Variants in PHF11 observed in about 807,000 individuals in gnomAD.
PHF11 encodes the protein BRCA1 C-terminus-associated protein.
PHF11 carries 38 observed loss-of-function variants against 40.5 expected under a neutral mutation model. The observed-to-expected ratio is 0.94, with a 90% CI of 0.72 to 1.23. The LOEUF (loss-of-function observed/expected upper bound fraction) is 1.23, where lower values mean the gene tolerates loss of function less well. PHF11 is among the 50% of genes most tolerant of loss of function. PHF11 has a pLI of 0.00. For missense variants in PHF11, 369 were observed against 392.4 expected, an observed-to-expected ratio of 0.94 and a Z score of 0.50; for synonymous variants, 127 against 138.2, an observed-to-expected ratio of 0.92 and a Z score of 0.57.
At chr13:49,520,818 A>T (rs1281318041) in intron 4 of PHF11, 76 bp from the exon 5 acceptor site, 2 of 1,062,524 alleles carry the variant, frequency 1.9e-6, no homozygotes, top group Non-Finnish European at 1.3e-6. Context: ...GTACGTTTTT[A>T]ATCACAAAAA....
rs181568652 is a variant in PHF11, at chr13:49,510,690, C to T, written c.217-2369C>T. Among the ~76,000 whole-genome samples, 74 of 152,128 alleles carry T rather than the reference C, an allele frequency of 4.9e-4. No homozygotes were observed. The Middle Eastern group carries it at 0.034, about 70-fold the overall frequency. Reference sequence around the variant, plus strand: ...CCCACTATGTTGCTCAGGCTCATCTCGAACTCCTGGCCTCAAGTGATTCTC... The same window carrying T: ...CCCACTATGTTGCTCAGGCTCATCTTGAACTCCTGGCCTCAAGTGATTCTC... On this transcript the variant is annotated intron_variant, in intron 2 of 9. Coordinates refer to ENST00000378319, the MANE Select transcript of PHF11 (RefSeq NM_001040443.3).
At position 49,496,035 on chromosome 13, in the gene PHF11, G is replaced by T; in HGVS notation, c.34G>T (p.Val12Leu). 4 of 1,476,050 alleles carry T rather than the reference G, an allele frequency of 2.7e-6. No individual in the cohort carries two copies. Among genetic ancestry groups the T allele is most frequent in the South Asian group, 2.5e-5 (2 of 78,470 alleles). The allele number at this position is 1,476,050 out of a possible 1,614,324, so 91.4% of individuals were successfully genotyped here. A position where few individuals can be genotyped will look rare whatever the true frequency, so the allele number is the denominator to read the frequency against. The change falls in exon 1 of 10, where the codon GTG becomes TTG. Residue 12 changes from valine to leucine, a missense_variant. Physicochemically the swap from Val to Leu is conservative, Grantham distance 32 (BLOSUM62 1). Coordinates refer to ENST00000378319, the MANE Select transcript of PHF11 (RefSeq NM_001040443.3). ...GGCGTCGCCGCCCCGGCCCGAGAGG[G>T]TGCTCGGCGCCAGCAGCCCGGAGGC... is the stretch of plus-strand genomic sequence containing the variant. ...AQASPPRPER[V>L]LGASSPEARP... is the part of the protein sequence containing the mutation.
chr13:49,511,352 G>A (rs995777259), intron 2 of PHF11, among the ~76,000 whole-genome samples: 1 of 145,216 alleles, frequency 6.9e-6, no homozygotes, highest in Non-Finnish European at 1.5e-5. Flanking sequence ...TTGAGACGGA[G>A]TTTCGCTTTT....
rs10627347 is a variant in PHF11, at chr13:49,511,327, C to CTTTT, written c.217-1719_217-1716dup. ...TCATAATTTCAAAATTGTTCAATGG[C>CTTTT]TTTTTTTTTTTTTTTTGAGACGGAG... On this transcript the variant is annotated intron_variant, in intron 2 of 9. Transcript: ENST00000378319. 2.4e-3 allele frequency among the ~76,000 whole-genome samples: 306 copies of CTTTT among 125,838 alleles called. 2 individuals are homozygous for CTTTT. The highest frequency in any genetic ancestry group is 4.2e-3 in the Middle Eastern group (1 of 238). 82.6% of individuals were successfully genotyped at this position (125,838 alleles called of 152,430 possible). A position where few individuals can be genotyped will look rare whatever the true frequency, so the allele number is the denominator to read the frequency against.
Position 49,496,070 on chromosome 13 carries a change from G to A in PHF11, c.69G>A (p.Ala23=). ...CCAGCAGCCCGGAGGCCCGGCCCGC[G>A]CAGGAGGCGCTCCTCCTTCCCACCG... The part of the protein sequence containing the change: ...LGASSPEARP[A]QEALLLPTGV... Residue 23 remains alanine, a synonymous_variant, in exon 1 of 10, where the codon GCG becomes GCA. Transcript: ENST00000378319. 7.4e-7 allele frequency: 1 copy of A among 1,357,160 alleles called. No homozygotes were observed. The highest frequency in any genetic ancestry group is 1.4e-5 in the South Asian group (1 of 71,486). 84.1% of individuals were successfully genotyped at this position (1,357,160 alleles called of 1,614,324 possible).
rs1383114760 is a variant in PHF11, at chr13:49,506,725, C to T, written c.185C>T (p.Ser62Leu). 2.5e-6 allele frequency: 4 copies of T among 1,607,840 alleles called. No individual in the cohort carries two copies. The highest frequency in any genetic ancestry group is 3.4e-6 in the Non-Finnish European group (4 of 1,174,954). Reference protein sequence around the residue: ...VEYNVLYFAQSENIAAHENCL... With the variant: ...VEYNVLYFAQLENIAAHENCL... ...TATAATGTCCTATACTTTGCACAATCAGAGAATATAGCTGCTCATGAGAAT... is the reference window on the plus strand; with the variant it reads ...TATAATGTCCTATACTTTGCACAATTAGAGAATATAGCTGCTCATGAGAAT... Residue 62 changes from serine (S) to leucine (L), a missense_variant, in exon 2 of 10, where the codon TCA (serine) becomes TTA (leucine). Ser to Leu is a moderately radical substitution (Grantham distance 145, BLOSUM62 -2). Coordinates refer to ENST00000378319, the MANE Select transcript of PHF11 (RefSeq NM_001040443.3).
chr13:49,510,534 G>A (rs113346705), intron 2 of PHF11, among the ~76,000 whole-genome samples: 10 of 152,184 alleles, frequency 6.6e-5, no homozygotes, highest in African/African-American at 2.4e-4. Context: ...CTGGAATGGA[G>A]TGGCATAATC....
chr13:49,522,487 A>G lies in PHF11; in HGVS notation c.570+380A>G, dbSNP rs532627937. ...TTAAAACGGGCAGAGGGTGCAGTCA[A>G]ACATCCTTATGGAGCCAAGTATTTC... On this transcript the variant is annotated intron_variant, in intron 6 of 9. Coordinates refer to ENST00000378319, the MANE Select transcript of PHF11 (RefSeq NM_001040443.3). Among the ~76,000 whole-genome samples, 4 of 152,314 alleles carry G rather than the reference A, an allele frequency of 2.6e-5. No homozygotes were observed. The East Asian group carries it at 7.7e-4, about 29-fold the overall frequency.
intron 1 of PHF11, among the ~76,000 whole-genome samples, chr13:49,501,013 TTTGG>T (rs752450848): frequency 0.037 from 3,947 of 106,218 alleles, 340 homozygotes; most frequent in Non-Finnish European, 0.052. Flanking sequence ...TTTTTTTTTT[TTTGG>T]TTTTTTTTTT....
At chr13:49,526,055 A>G (rs1959256403) in intron 8 of PHF11, 3 of 332,838 alleles carry the variant, frequency 9.0e-6, no homozygotes, top group African/African-American at 2.2e-5. Flanking sequence ...TGCAATCCCA[A>G]CTACTTGGGA....
intron 3 of PHF11, among the ~76,000 whole-genome samples, chr13:49,515,255 C>A (rs1959136253): frequency 6.6e-6 from 1 of 152,032 alleles, no homozygotes; most frequent in Non-Finnish European, 1.5e-5. Flanking sequence ...TGGGCAGATA[C>A]ATGGCACACA....
intron 5 of PHF11, 77 bp from the exon 6 acceptor site, chr13:49,521,966 G>A (rs1237277584): frequency 2.8e-6 from 2 of 711,216 alleles, no homozygotes; most frequent in Non-Finnish European, 4.9e-6. Context: ...TTTGGCATAT[G>A]AGTTGTATAT....
At chr13:49,496,205 C>T (rs1958803738) in intron 1 of PHF11, 110 bp downstream of exon 1, 7 of 714,980 alleles carry the variant, frequency 9.8e-6, no homozygotes, top group Non-Finnish European at 1.4e-5. Context: ...CCTGCCCCTA[C>T]TCCGGGCCGG....
At chr13:49,517,952 A>G in intron 3 of PHF11, 66 bp from the exon 4 acceptor site, 2 of 881,330 alleles carry the variant, frequency 2.3e-6, no homozygotes, top group Non-Finnish European at 3.5e-6. Flanking sequence ...ACATTTAATG[A>G]TATCTTTGAA....
At chr13:49,524,063 C>A in intron 7 of PHF11, 22 bp from the exon 8 acceptor site, 1 of 1,594,430 alleles carries the variant, frequency 6.3e-7, no homozygotes, top group South Asian at 1.1e-5. Context: ...ATTTCCTTCT[C>A]AAATGTTTGT....
chr13:49,522,090 T>C lies in PHF11; in HGVS notation c.553T>C (p.Ser185Pro). Residue 185 changes from serine (S) to proline (P), a missense_variant, in exon 6 of 10, where the codon TCA (serine) becomes CCA (proline). Coordinates refer to ENST00000378319, the MANE Select transcript of PHF11 (RefSeq NM_001040443.3). ...AAAAAGAGGAAGGAAGAAACCCCTC[T>C]CAGGCAATCATGTACAGGTAATTTG... ...KRKRGRKKPLSGNHVQPPETM... is the reference protein window; with the variant it reads ...KRKRGRKKPLPGNHVQPPETM... The C allele has an allele frequency of 6.4e-7, 1 of 1,557,426 alleles. No individual in the cohort carries two copies. Among genetic ancestry groups the C allele is most frequent in the Non-Finnish European group, 8.9e-7 (1 of 1,129,718 alleles).
chr13:49,500,010 C>G (rs998632056), intron 1 of PHF11, among the ~76,000 whole-genome samples: 3 of 152,288 alleles, frequency 2.0e-5, no homozygotes, highest in African/African-American at 7.2e-5. Context: ...GAAGCTAGAG[C>G]CTCGGCAATC....
intron 2 of PHF11, among the ~76,000 whole-genome samples, chr13:49,509,271 G>A (rs1463687347): frequency 3.3e-5 from 5 of 150,790 alleles, no homozygotes; most frequent in African/African-American, 1.2e-4. Context: ...GGAGTGCAAT[G>A]GTGTGATCTT....
intron 1 of PHF11, among the ~76,000 whole-genome samples, chr13:49,503,879 T>C (rs1958942165): frequency 6.6e-6 from 1 of 152,066 alleles, no homozygotes; most frequent in Non-Finnish European, 1.5e-5. Flanking sequence ...ATTACAGGTG[T>C]GTGCCACCAT....
Sources: allele counts gnomAD v4.1 joint callset (sites outside exome capture counted in the v4.1 genomes callset), GRCh38; gene constraint gnomAD v4.1.1; transcripts MANE v1.5; gene names NCBI Gene and HGNC (gene_info 2026-07-23, HGNC 2026-07-21).